The following FAM53B variants were observed in gnomAD, a reference collection of about 807,000 sequenced individuals.
FAM53B encodes protein FAM53B.
In FAM53B, 12 loss-of-function variants were observed where a neutral mutation model predicts 32.7. That is an observed-to-expected ratio of 0.37 (90% CI 0.24 to 0.59). The LOEUF (loss-of-function observed/expected upper bound fraction) is 0.59. FAM53B is among the 20% of genes least tolerant of loss of function. FAM53B has a pLI of 0.72. For missense variants in FAM53B, 477 were observed against 577.7 expected (o/e 0.83, Z 1.79); for synonymous variants, 234 against 228.7 (o/e 1.02, Z -0.21).
intron 1 of FAM53B, among the ~76,000 whole-genome samples, chr10:124,739,595 C>A (rs769697510): frequency 6.6e-6 from 1 of 152,174 alleles, no homozygotes; most frequent in African/African-American, 2.4e-5. Context: ...TTGCTTTCAC[C>A]CTCCTGAGAC....
intron 1 of FAM53B, chr10:124,713,408 G>A (rs192788899): frequency 6.5e-4 from 99 of 152,318 alleles, no homozygotes; most frequent in African/African-American, 2.3e-3. Flanking sequence ...TTGCTAACAT[G>A]AAATTTTCTT....
chr10:124,644,388 C>T lies in FAM53B; in HGVS notation c.907-20784G>A, dbSNP rs1949497927. On this transcript the variant is annotated intron_variant, in intron 4 of 4. Transcript: ENST00000337318. ...CCTAGGAGCTTTGGCTCTGCAAAGGCCAATTAGAACCCCCAGAGACAGGGC... is the reference window on the plus strand; with the variant it reads ...CCTAGGAGCTTTGGCTCTGCAAAGGTCAATTAGAACCCCCAGAGACAGGGC... Among the ~76,000 whole-genome samples the T allele has an allele frequency of 2.0e-5, 3 of 152,194 alleles. No homozygotes were observed. In the South Asian group the frequency reaches 6.2e-4, roughly 31 times the overall value.
intron 1 of FAM53B, 77 bp from the exon 2 acceptor site, chr10:124,706,964 A>G: frequency 2.3e-6 from 3 of 1,310,938 alleles, no homozygotes; most frequent in Non-Finnish European, 3.0e-6. Flanking sequence ...CTCCCACAGT[A>G]CTGGAAATCC....
At chr10:124,725,009 T>A (rs1724395105) in intron 1 of FAM53B, among the ~76,000 whole-genome samples, 1 of 152,202 alleles carries the variant, frequency 6.6e-6, no homozygotes, top group African/African-American at 2.4e-5. Flanking sequence ...TTCAAAGCCA[T>A]GACTGAGTTA....
intron 1 of FAM53B, among the ~76,000 whole-genome samples, chr10:124,738,809 A>G (rs1325188395): frequency 1.3e-5 from 2 of 152,262 alleles, no homozygotes; most frequent in Non-Finnish European, 2.9e-5. Flanking sequence ...AAAAGAAAAA[A>G]AAGTTGGAAA....
intron 1 of FAM53B, among the ~76,000 whole-genome samples, chr10:124,709,919 G>A (rs1949989149): frequency 6.6e-6 from 1 of 152,162 alleles, no homozygotes; most frequent in African/African-American, 2.4e-5. Flanking sequence ...GACAGTTCCG[G>A]AGAGGAACCA....
At chr10:124,672,692 T>C (rs1949713721) in intron 4 of FAM53B, among the ~76,000 whole-genome samples, 2 of 152,206 alleles carry the variant, frequency 1.3e-5, no homozygotes, top group African/African-American at 2.4e-5. Flanking sequence ...CACTTTCAAA[T>C]GGACAAGAAC....
chr10:124,725,428 C>T lies in FAM53B; in HGVS notation c.-174-18541G>A, dbSNP rs191392466. 4.8e-4 allele frequency among the ~76,000 whole-genome samples: 73 copies of T among 152,326 alleles called. 1 individual carries two copies. Among genetic ancestry groups the T allele is most frequent in the Admixed American group, 2.1e-3 (32 of 15,302 alleles). On this transcript the variant is annotated intron_variant, in intron 1 of 4. Transcript: ENST00000337318. ...AAGCACTCTATTTCCCACCACTGCA[C>T]GGAGACACTGATTTCAGGGCACCTG...
In FAM53B at chr10:124,744,301, C is replaced by G. The variant is rs1254301107; in HGVS notation, c.-463G>C. The G allele has an allele frequency of 6.8e-6, 1 of 147,604 alleles. No individual in the cohort carries two copies. Among genetic ancestry groups the G allele is most frequent in the Admixed American group, 6.8e-5 (1 of 14,776 alleles). The allele number at this position is 147,604 out of a possible 1,614,324, so 9.1% of individuals were successfully genotyped here. On this transcript the variant is annotated 5_prime_UTR_variant, in exon 1 of 5. Transcript: ENST00000337318. ...GCCCGGCGCTTAGCGGGCGGTGTCGCGGGCCCGGGCGCTAGGCGCGGCGGC... is the reference window on the plus strand; with the variant it reads ...GCCCGGCGCTTAGCGGGCGGTGTCGGGGGCCCGGGCGCTAGGCGCGGCGGC...
At chr10:124,632,607 G>A (rs1949398360) in intron 4 of FAM53B, among the ~76,000 whole-genome samples, 1 of 152,250 alleles carries the variant, frequency 6.6e-6, no homozygotes, top group South Asian at 2.1e-4. Flanking sequence ...TCGGGGTGCT[G>A]AAGACAGGAC....
At chr10:124,705,983 C>T (rs1166373627) in intron 2 of FAM53B, among the ~76,000 whole-genome samples, 1 of 152,190 alleles carries the variant, frequency 6.6e-6, no homozygotes, top group Non-Finnish European at 1.5e-5. Flanking sequence ...TGTGGCTTCT[C>T]GCTCCCTCCA....
At chr10:124,662,077 G>A (rs1949634473) in intron 4 of FAM53B, among the ~76,000 whole-genome samples, 1 of 152,182 alleles carries the variant, frequency 6.6e-6, no homozygotes, top group Non-Finnish European at 1.5e-5. Flanking sequence ...CCCCTTTGTG[G>A]ACAACACCTG....
chr10:124,627,849 C>CTT, intron 4 of FAM53B, among the ~76,000 whole-genome samples: 1 of 152,224 alleles, frequency 6.6e-6, no homozygotes, highest in Non-Finnish European at 1.5e-5. Flanking sequence ...GCAATGACCC[C>CTT]TCTTCTGCAG....
At chr10:124,626,319 TGCCTAACTTATG>T (rs1422734328) in intron 4 of FAM53B, among the ~76,000 whole-genome samples, 1 of 147,342 alleles carries the variant, frequency 6.8e-6, no homozygotes, top group Admixed American at 7.0e-5. Flanking sequence ...GTAGCGGGGG[TGCCTAACTTATG>T]GCCACCATGA....
intron 2 of FAM53B, among the ~76,000 whole-genome samples, chr10:124,699,960 C>T (rs1033578364): frequency 3.3e-5 from 5 of 152,232 alleles, no homozygotes; most frequent in South Asian, 2.1e-4. Flanking sequence ...AGTTCTCTTT[C>T]GGGGTGAGTT....
chr10:124,683,027 C>T (rs947821201), intron 3 of FAM53B, among the ~76,000 whole-genome samples: 1 of 152,244 alleles, frequency 6.6e-6, no homozygotes, highest in South Asian at 2.1e-4. Flanking sequence ...CTGCCAATCA[C>T]AGCACTTTCT....
chr10:124,723,305 T>C (rs1259707359), intron 1 of FAM53B, among the ~76,000 whole-genome samples: 1 of 152,236 alleles, frequency 6.6e-6, no homozygotes, highest in African/African-American at 2.4e-5. Context: ...CTCAACATTC[T>C]TGGTGCCAGA....
intron 3 of FAM53B, among the ~76,000 whole-genome samples, chr10:124,694,811 C>G (rs1949858620): frequency 6.6e-6 from 1 of 152,228 alleles, no homozygotes. Context: ...CCAGGGCCAG[C>G]TGATCTCCCT....
intron 2 of FAM53B, 77 bp from the exon 3 acceptor site, chr10:124,696,289 A>G (rs1295111329): frequency 1.3e-5 from 16 of 1,239,032 alleles, no homozygotes; most frequent in Admixed American, 1.7e-5. Context: ...GATCCCTTCT[A>G]AAGTCACAAT....
Sources: gnomAD v4.1 joint callset for allele counts (sites outside exome capture counted in the v4.1 genomes callset) on GRCh38, gnomAD v4.1.1 for gene constraint, MANE v1.5 for transcripts, NCBI Gene and HGNC (gene_info 2026-07-23, HGNC 2026-07-21) for gene names.